PACS1: variants seen among roughly 807,000 people sequenced by gnomAD.
PACS1 encodes phosphofurin acidic cluster sorting protein 1.
In PACS1, 24 loss-of-function variants were observed where a neutral mutation model predicts 115.0. That is an observed-to-expected ratio of 0.21 (90% confidence interval 0.15 to 0.29). PACS1 has a LOEUF of 0.29. PACS1 is among the 10% of genes least tolerant of loss of function. PACS1 has a pLI of 1.00. For synonymous variants in PACS1, 453 were observed against 504.5 expected (o/e 0.90, Z 1.37); for missense variants, 838 against 1,251.2 (o/e 0.67, Z 4.98).
intron 1 of PACS1, among the ~76,000 whole-genome samples, chr11:66,083,035 C>T (rs996109118): frequency 1.3e-5 from 2 of 152,116 alleles, no homozygotes; most frequent in Admixed American, 1.3e-4. Context: ...TACTTTAAAT[C>T]ACAGGCGATG....
At chr11:66,240,069 C>T (rs549804080) in intron 21 of PACS1, among the ~76,000 whole-genome samples, 14 of 152,342 alleles carry the variant, frequency 9.2e-5, no homozygotes, top group Admixed American at 3.3e-4. Flanking sequence ...CAGAGGGCCT[C>T]TCTAAAGGAA....
intron 2 of PACS1, among the ~76,000 whole-genome samples, chr11:66,209,933 T>A (rs1023334331): frequency 2.6e-5 from 4 of 152,142 alleles, no homozygotes; most frequent in Non-Finnish European, 5.9e-5. Flanking sequence ...TTTTTTTTTT[T>A]AAAGAATGCT....
chr11:66,221,871 T>C (rs1017679613), intron 10 of PACS1, among the ~76,000 whole-genome samples: 3 of 152,130 alleles, frequency 2.0e-5, no homozygotes, highest in African/African-American at 7.2e-5. Flanking sequence ...ATCCCAGCTC[T>C]TTGGGAGGCC....
chr11:66,212,269 C>T (rs1340242976), intron 4 of PACS1, among the ~76,000 whole-genome samples: 1 of 151,170 alleles, frequency 6.6e-6, no homozygotes, highest in African/African-American at 2.4e-5. Context: ...GTAGCTGGGA[C>T]TACAGGCGTG....
At chr11:66,092,832 T>C (rs1857692211) in intron 1 of PACS1, among the ~76,000 whole-genome samples, 5 of 152,190 alleles carry the variant, frequency 3.3e-5, no homozygotes. Context: ...CAGATAGTTG[T>C]AGATATGCGG....
intron 1 of PACS1, among the ~76,000 whole-genome samples, chr11:66,167,413 C>T (rs886899038): frequency 3.5e-5 from 5 of 142,648 alleles, no homozygotes; most frequent in Admixed American, 7.0e-5. Context: ...ACTGCAACCT[C>T]GAACTTGAAC....
intron 1 of PACS1, among the ~76,000 whole-genome samples, chr11:66,117,973 A>G (rs1343872255): frequency 6.6e-6 from 1 of 152,202 alleles, no homozygotes; most frequent in African/African-American, 2.4e-5. Flanking sequence ...TGAAGCTGTC[A>G]TTCACTTTTG....
intron 1 of PACS1, among the ~76,000 whole-genome samples, chr11:66,102,517 G>A (rs962548342): frequency 3.1e-4 from 47 of 151,878 alleles, no homozygotes; most frequent in African/African-American, 1.0e-3. Context: ...TACAGAAGGG[G>A]TTTCACCATG....
intron 1 of PACS1, among the ~76,000 whole-genome samples, chr11:66,102,418 A>G (rs1019038183): frequency 7.2e-5 from 11 of 151,848 alleles, no homozygotes; most frequent in African/African-American, 2.2e-4. Flanking sequence ...TCCGCCTCCC[A>G]GGTTCAAGCG....
At chr11:66,240,337 A>G (rs184510294) in intron 21 of PACS1, among the ~76,000 whole-genome samples, 16 of 152,158 alleles carry the variant, frequency 1.1e-4, no homozygotes, top group African/African-American at 3.6e-4. Context: ...GCTCCTGACA[A>G]GAAGGCCGAG....
At chr11:66,124,753 A>G (rs1399266671) in intron 1 of PACS1, among the ~76,000 whole-genome samples, 2 of 152,242 alleles carry the variant, frequency 1.3e-5, no homozygotes, top group Non-Finnish European at 2.9e-5. Flanking sequence ...TTCAAGAAAC[A>G]GAAAAGCCAG....
chr11:66,078,863 T>G (rs997659005), intron 1 of PACS1, among the ~76,000 whole-genome samples: 1 of 152,204 alleles, frequency 6.6e-6, no homozygotes, highest in African/African-American at 2.4e-5. Context: ...CTAGGCTGGT[T>G]ATTGTGCTGA....
At chr11:66,219,893 G>T in intron 8 of PACS1, 88 bp downstream of exon 8, 1 of 942,594 alleles carries the variant, frequency 1.1e-6, no homozygotes, top group Non-Finnish European at 1.8e-6. Context: ...TATTGCCACT[G>T]AGAGTCAGGA....
intron 1 of PACS1, among the ~76,000 whole-genome samples, chr11:66,145,747 C>T (rs1859107614): frequency 1.3e-5 from 2 of 152,166 alleles, no homozygotes; most frequent in Non-Finnish European, 2.9e-5. Flanking sequence ...GCTCCCTAAC[C>T]CTGCACAGAC....
Position 66,175,682 on chromosome 11 carries a change from G to A in PACS1, c.357-17804G>A, listed in dbSNP as rs1199769587. 1.1e-4 allele frequency among the ~76,000 whole-genome samples: 17 copies of A among 152,296 alleles called. No individual in the cohort carries two copies. In the East Asian group the frequency reaches 3.3e-3, roughly 29 times the overall value. ...TTATCGCTTCCCATACATAGGTCACGGGCTTTACTTCTGGAGCCAGGGTGG... is the reference window on the plus strand; with the variant it reads ...TTATCGCTTCCCATACATAGGTCACAGGCTTTACTTCTGGAGCCAGGGTGG... On this transcript the variant is annotated intron_variant, in intron 1 of 23. Coordinates refer to ENST00000320580, the MANE Select transcript of PACS1 (RefSeq NM_018026.4).
rs1377895814 is a variant in PACS1, at chr11:66,167,396, A to G, written c.357-26090A>G. 5.1e-4 allele frequency among the ~76,000 whole-genome samples: 67 copies of G among 130,282 alleles called. 7 individuals carry two copies. The highest frequency in any genetic ancestry group is 2.1e-3 in the African/African-American group (66 of 30,836). The allele number at this position is 130,282 out of a possible 152,430, so 85.5% of individuals were successfully genotyped here. A position where few individuals can be genotyped will look rare whatever the true frequency, so the allele number is the denominator to read the frequency against. On this transcript the variant is annotated intron_variant, in intron 1 of 23. Coordinates refer to ENST00000320580, the MANE Select transcript of PACS1 (RefSeq NM_018026.4). ...CTGTGATCCAGGCTGGAGTGCAGTC[A>G]TAGCTCACTGCAACCTCGAACTTGA...
At chr11:66,085,442 C>T (rs1168312156) in intron 1 of PACS1, among the ~76,000 whole-genome samples, 3 of 152,208 alleles carry the variant, frequency 2.0e-5, no homozygotes, top group African/African-American at 4.8e-5. Context: ...TCCTATTTCC[C>T]TCTCGTTCTG....
chr11:66,198,154 A>G (rs934507279), intron 2 of PACS1, among the ~76,000 whole-genome samples: 19 of 152,188 alleles, frequency 1.2e-4, no homozygotes, highest in African/African-American at 4.1e-4. Context: ...GCCTCAAGCA[A>G]TCCTCTCGCC....
At chr11:66,202,161 TAC>T (rs1285045850) in intron 2 of PACS1, among the ~76,000 whole-genome samples, 1 of 152,224 alleles carries the variant, frequency 6.6e-6, no homozygotes, top group East Asian at 1.9e-4. Flanking sequence ...CCTGGAAAGA[TAC>T]AACCTTCCAA....
Sources: gnomAD v4.1 joint callset for allele counts (sites outside exome capture counted in the v4.1 genomes callset) on GRCh38, gnomAD v4.1.1 for gene constraint, MANE v1.5 for transcripts, NCBI Gene and HGNC (gene_info 2026-07-23, HGNC 2026-07-21) for gene names.